The following KCNT2 variants were observed in gnomAD, a reference collection of about 807,000 sequenced individuals.
KCNT2 encodes potassium sodium-activated channel subfamily T member 2, also known as potassium channel subfamily T member 2.
Under a neutral mutation model 153.8 loss-of-function variants are expected in KCNT2, and 67 were observed. That is an observed-to-expected ratio of 0.44 (90% confidence interval 0.36 to 0.53). KCNT2 has a LOEUF of 0.53. Ranked by LOEUF, KCNT2 falls within the 20% of genes least tolerant of loss-of-function variation. The probability of loss-of-function intolerance (pLI) is 0.00; values close to 1 mark genes in which losing one functional copy is unlikely to be tolerated. For missense variants in KCNT2, 975 were observed against 1,354.8 expected (o/e 0.72, Z 4.40); for synonymous variants, 500 against 458.8 (o/e 1.09, Z -1.15).
At chr1:196,422,443 A>G (rs1356215350) in intron 12 of KCNT2, among the ~76,000 whole-genome samples, 1 of 151,990 alleles carries the variant, frequency 6.6e-6, no homozygotes, top group African/African-American at 2.4e-5. Flanking sequence ...ACTTAAAAAA[A>G]TTATAAAATA....
At chr1:196,433,358 G>A (rs1674328456) in intron 8 of KCNT2, among the ~76,000 whole-genome samples, 1 of 152,032 alleles carries the variant, frequency 6.6e-6, no homozygotes, top group African/African-American at 2.4e-5. Flanking sequence ...AAAACATGTT[G>A]AGTGAAAGAA....
At chr1:196,410,869 T>C (rs993550971) in intron 12 of KCNT2, among the ~76,000 whole-genome samples, 1 of 151,754 alleles carries the variant, frequency 6.6e-6, no homozygotes, top group African/African-American at 2.4e-5. Flanking sequence ...TTGTGTAGGA[T>C]GTAAGATCCC....
chr1:196,303,310 A>G (rs1220649867), intron 22 of KCNT2, among the ~76,000 whole-genome samples: 1 of 152,170 alleles, frequency 6.6e-6, no homozygotes, highest in South Asian at 2.1e-4. Flanking sequence ...ACCTGGTATT[A>G]AATTGTGCCT....
At chr1:196,250,814 G>A (rs919680015) in intron 26 of KCNT2, among the ~76,000 whole-genome samples, 1 of 151,926 alleles carries the variant, frequency 6.6e-6, no homozygotes, top group African/African-American at 2.4e-5. Flanking sequence ...GGGCAAAAGA[G>A]ATGAATAAAC....
At chr1:196,389,342 T>A (rs1181845417) in intron 13 of KCNT2, among the ~76,000 whole-genome samples, 1 of 151,690 alleles carries the variant, frequency 6.6e-6, no homozygotes, top group East Asian at 1.9e-4. Flanking sequence ...AATGCCGGCC[T>A]TACAAAATCA....
chr1:196,305,818 A>AAATGT (rs1661576711), intron 21 of KCNT2, among the ~76,000 whole-genome samples: 2 of 152,270 alleles, frequency 1.3e-5, no homozygotes, highest in South Asian at 2.1e-4. Flanking sequence ...AAATCTTGCT[A>AAATGT]CAACAAACTT....
rs71154737 is a variant in KCNT2 at position 196,329,950 on chromosome 1, CATATATATAT to C, written c.2103+1196_2103+1205del. Among the ~76,000 whole-genome samples the C allele has an allele frequency of 5.1e-3, 378 of 73,526 alleles. 8 individuals are homozygous for C. The highest frequency in any genetic ancestry group is 8.2e-3 in the Middle Eastern group (1 of 122). 48.2% of individuals were successfully genotyped at this position (73,526 alleles called of 152,430 possible). ...AAATGGATAATTCTGTTCCTCAAGACATATATATATATATATATATATATATATATATATT... is the reference window on the plus strand; with the variant it reads ...AAATGGATAATTCTGTTCCTCAAGACATATATATATATATATATATATATT... On this transcript the variant is annotated intron_variant, in intron 18 of 27. Coordinates refer to ENST00000294725, the MANE Select transcript of KCNT2 (RefSeq NM_198503.5).
chr1:196,578,286 A>G (rs992699759), intron 1 of KCNT2, among the ~76,000 whole-genome samples: 1 of 152,020 alleles, frequency 6.6e-6, no homozygotes, highest in African/African-American at 2.4e-5. Flanking sequence ...AACGGACAGG[A>G]TGTTAGATAG....
chr1:196,285,731 C>G lies in KCNT2; in HGVS notation c.2623G>C (p.Ala875Pro). 1 of 1,612,716 alleles carries G rather than the reference C, an allele frequency of 6.2e-7. No homozygotes were observed. The highest frequency in any genetic ancestry group is 8.5e-7 in the Non-Finnish European group (1 of 1,178,882). The change falls in exon 23 of 28, where the codon GCC becomes CCC. Residue 875 changes from alanine (A) to proline (P), a missense_variant. Physicochemically the swap from Ala to Pro is conservative, Grantham distance 27. This residue lies in a region of KCNT2 where 66 missense variants were observed against 147.9 expected (regional missense o/e 0.45). Coordinates refer to ENST00000294725, the MANE Select transcript of KCNT2 (RefSeq NM_198503.5). ...GCAAAAGGCAGTCGAAACATAAAGG[C>G]CAAGTTAGAGCCTCTCTCCCGTTCT... is the stretch of plus-strand genomic sequence containing the variant. ...KKERERGSNL[A>P]FMFRLPFAAG...
intron 14 of KCNT2, among the ~76,000 whole-genome samples, chr1:196,364,059 T>C (rs538755313): frequency 3.0e-4 from 46 of 152,136 alleles, no homozygotes; most frequent in African/African-American, 1.0e-3. Context: ...TGCAGGATCT[T>C]AGAGTTGTGG....
At position 196,425,845 on chromosome 1, in the gene KCNT2, T is replaced by C; in HGVS notation, c.1121+7A>G. 1 of 1,611,020 alleles carries C rather than the reference T, an allele frequency of 6.2e-7. No individual in the cohort carries two copies. The highest frequency in any genetic ancestry group is 8.5e-7 in the Non-Finnish European group (1 of 1,178,302). On this transcript the variant is annotated splice_region_variant and intron_variant, in intron 11 of 27. Coordinates refer to ENST00000294725, the MANE Select transcript of KCNT2 (RefSeq NM_198503.5). The stretch of plus-strand genomic sequence containing the variant: ...TAAGCTGCAAGATGAAAGGCAGGGA[T>C]ACCTACTTTGCTCTCAATAGGTCTT...
chr1:196,424,667 G>A lies in KCNT2; in HGVS notation c.1121+1185C>T, dbSNP rs369355036. ...ACTCATTATATCCTGCTAGTTTCTC[G>A]TGCTGTTTTTTTTTCAGAAGTTGAA... On this transcript the variant is annotated intron_variant, in intron 11 of 27. Coordinates refer to ENST00000294725, the MANE Select transcript of KCNT2 (RefSeq NM_198503.5). Among the ~76,000 whole-genome samples, 164 of 150,836 alleles carry A rather than the reference G, an allele frequency of 1.1e-3. 2 individuals are homozygous for A. The highest frequency in any genetic ancestry group is 6.9e-3 in the Middle Eastern group (2 of 290).
intron 25 of KCNT2, among the ~76,000 whole-genome samples, chr1:196,267,192 C>T (rs1018354538): frequency 6.6e-6 from 1 of 152,184 alleles, no homozygotes; most frequent in Non-Finnish European, 1.5e-5. Flanking sequence ...TGATGCCATG[C>T]TCTTCCAAGG....
At chr1:196,377,919 C>A (rs1273553808) in intron 13 of KCNT2, among the ~76,000 whole-genome samples, 1 of 151,976 alleles carries the variant, frequency 6.6e-6, no homozygotes, top group East Asian at 1.9e-4. Context: ...TCAGATGATA[C>A]CAAGGTATCC....
chr1:196,603,309 G>A (rs1045965745), intron 1 of KCNT2, among the ~76,000 whole-genome samples: 1 of 151,876 alleles, frequency 6.6e-6, no homozygotes, highest in Non-Finnish European at 1.5e-5. Context: ...TTTTAATGGC[G>A]CTCAAAAATT....
intron 23 of KCNT2, 78 bp from the exon 24 acceptor site, chr1:196,282,434 G>T: frequency 1.5e-6 from 1 of 678,722 alleles, no homozygotes; most frequent in Non-Finnish European, 2.5e-6. Context: ...ACAGCTAAAA[G>T]TGTGAACATC....
At chr1:196,589,867 T>C (rs1663133222) in intron 1 of KCNT2, among the ~76,000 whole-genome samples, 1 of 152,224 alleles carries the variant, frequency 6.6e-6, no homozygotes, top group Non-Finnish European at 1.5e-5. Flanking sequence ...TTACCTACAG[T>C]GTACTCCTAA....
At chr1:196,431,864 A>G (rs10922067) in intron 8 of KCNT2, among the ~76,000 whole-genome samples, 71,873 of 151,956 alleles carry the variant, frequency 0.47, 19,085 homozygotes, top group Middle Eastern at 0.69. Flanking sequence ...CAGTTTGTCC[A>G]AGCAACTATG....
At chr1:196,239,713 A>G (rs1238331832) in intron 26 of KCNT2, among the ~76,000 whole-genome samples, 2 of 152,046 alleles carry the variant, frequency 1.3e-5, no homozygotes, top group Non-Finnish European at 2.9e-5. Flanking sequence ...TGTGTAGGTT[A>G]CCATTAAATA....
Sources: gnomAD v4.1 joint callset for allele counts (sites outside exome capture counted in the v4.1 genomes callset) on GRCh38, gnomAD v4.1.1 for gene constraint, gnomAD v4.1.1 regional missense constraint, MANE v1.5 for transcripts, NCBI Gene and HGNC (gene_info 2026-07-23, HGNC 2026-07-21) for gene names.